Variants in JAZF1 observed in about 807,000 individuals in gnomAD.
JAZF1 encodes the protein JAZF zinc finger 1, also known as juxtaposed with another zinc finger protein 1.
Under a neutral mutation model 26.4 loss-of-function variants are expected in JAZF1, and 8 were observed. The observed-to-expected ratio is 0.30, with a 90% CI of 0.18 to 0.55. The LOEUF is 0.55. Ranked by LOEUF, JAZF1 falls within the 20% of genes least tolerant of loss-of-function variation. The pLI, the probability that JAZF1 is intolerant of heterozygous loss-of-function variation, is 0.94. For missense variants in JAZF1, 199 were observed against 322.0 expected (o/e 0.62, Z 2.92); for synonymous variants, 126 against 122.3 (o/e 1.03, Z -0.20).
chr7:28,155,745 C>G (rs1303290063), intron 1 of JAZF1, among the ~76,000 whole-genome samples: 9 of 152,192 alleles, frequency 5.9e-5, no homozygotes, highest in African/African-American at 2.2e-4. Flanking sequence ...ACAACCACAT[C>G]TAGGCTGTGA....
At chr7:28,082,562 T>C (rs1033687411) in intron 1 of JAZF1, among the ~76,000 whole-genome samples, 3 of 152,154 alleles carry the variant, frequency 2.0e-5, no homozygotes, top group Non-Finnish European at 2.9e-5. Context: ...CAGCTGCCTA[T>C]TGGACATGTA....
rs73302912 is a variant in JAZF1 at position 28,024,635 on chromosome 7, T to C, written c.116-32654A>G. ...GAATGGAAGAGGGACATGATGAATT[T>C]TGCATCTCTGGCAAAATACCAATGA... On this transcript the variant is annotated intron_variant, in intron 1 of 4. Coordinates refer to ENST00000283928, the MANE Select transcript of JAZF1 (RefSeq NM_175061.4). 7.4e-3 allele frequency among the ~76,000 whole-genome samples: 1,126 copies of C among 152,300 alleles called. 10 individuals carry two copies. Among genetic ancestry groups the C allele is most frequent in the African/African-American group, 0.026 (1,099 of 41,560 alleles).
chr7:27,865,922 C>T lies in JAZF1; in HGVS notation c.386-25055G>A, dbSNP rs137957727. ...CTCAAGGGCAGTCCACCCTTGCTTT[C>T]TGAGCAGGTGACTTTGTTCTAGGGA... On this transcript the variant is annotated intron_variant, in intron 3 of 4. Coordinates refer to ENST00000283928, the MANE Select transcript of JAZF1 (RefSeq NM_175061.4). Among the ~76,000 whole-genome samples the T allele has an allele frequency of 6.8e-3, 1,032 of 152,300 alleles. 14 individuals carry two copies. Among genetic ancestry groups the T allele is most frequent in the African/African-American group, 0.023 (972 of 41,568 alleles).
At position 27,896,305 on chromosome 7, in the gene JAZF1, T is replaced by TTTTCATA. The variant is rs552262716; in HGVS notation, c.189-890_189-889insTATGAAA. Among the ~76,000 whole-genome samples the TTTTCATA allele has an allele frequency of 4.2e-3, 646 of 152,314 alleles. 4 individuals carry two copies. The highest frequency in any genetic ancestry group is 0.015 in the African/African-American group (625 of 41,572). On this transcript the variant is annotated intron_variant, in intron 2 of 4. Coordinates refer to ENST00000283928, the MANE Select transcript of JAZF1 (RefSeq NM_175061.4). ...TCCTGTAATATGAGATTCAAAACAA[T>TTTTCATA]CTATGAAATGGTATCTCCTACCTAA...
chr7:27,856,566 G>A (rs1001324973), intron 3 of JAZF1, among the ~76,000 whole-genome samples: 1 of 152,200 alleles, frequency 6.6e-6, no homozygotes, highest in African/African-American at 2.4e-5. Flanking sequence ...GTTTTACAGA[G>A]AGCTGATTGG....
Position 28,129,346 on chromosome 7 carries a change from G to A in JAZF1, c.115+51117C>T, listed in dbSNP as rs1782752888. 2.0e-5 allele frequency among the ~76,000 whole-genome samples: 3 copies of A among 152,166 alleles called. No individual in the cohort carries two copies. The South Asian group carries it at 6.2e-4, about 32-fold the overall frequency. Reference sequence around the variant, plus strand: ...CACATGGACAAATCTACAAGCAGAAGGATGAATCTCAAATGTAACTGCACA... The same window carrying A: ...CACATGGACAAATCTACAAGCAGAAAGATGAATCTCAAATGTAACTGCACA... On this transcript the variant is annotated intron_variant, in intron 1 of 4. Coordinates refer to ENST00000283928, the MANE Select transcript of JAZF1 (RefSeq NM_175061.4).
chr7:27,982,458 C>T lies in JAZF1; in HGVS notation c.188+9451G>A, dbSNP rs552410807. 5.3e-5 allele frequency among the ~76,000 whole-genome samples: 8 copies of T among 152,310 alleles called. No individual in the cohort carries two copies. The South Asian group carries it at 1.2e-3, about 24-fold the overall frequency. On this transcript the variant is annotated intron_variant, in intron 2 of 4. Coordinates refer to ENST00000283928, the MANE Select transcript of JAZF1 (RefSeq NM_175061.4). The stretch of plus-strand genomic sequence containing the variant: ...AGGTAAACAAAATGGCTAGGAAGCT[C>T]GAACTCGGTGGAGGCCACCACAGCT...
chr7:27,971,340 T>C lies in JAZF1; in HGVS notation c.188+20569A>G, dbSNP rs558156581. On this transcript the variant is annotated intron_variant, in intron 2 of 4. Transcript: ENST00000283928. ...ACGCTGGCTGAGGATGGGGGCGCCT[T>C]ACAGGGGATATGCCGCTGACTTAGC... Among the ~76,000 whole-genome samples the C allele has an allele frequency of 2.0e-5, 3 of 152,172 alleles. No individual in the cohort carries two copies. In the East Asian group the frequency reaches 5.8e-4, roughly 29 times the overall value.
Position 27,831,949 on chromosome 7 carries a change from A to G in JAZF1, c.*851T>C, listed in dbSNP as rs556360261. On this transcript the variant is annotated 3_prime_UTR_variant, in exon 5 of 5. Coordinates refer to ENST00000283928, the MANE Select transcript of JAZF1 (RefSeq NM_175061.4). ...ACACACACACACTTTGCACTGAAGT[A>G]TTTCAAAGTCTTTTCTAACAGATTT... 4.5e-6 allele frequency: 1 copy of G among 220,096 alleles called. No individual in the cohort carries two copies. Among genetic ancestry groups the G allele is most frequent in the African/African-American group, 2.2e-5 (1 of 44,720 alleles). The allele number at this position is 220,096 out of a possible 1,614,324, so 13.6% of individuals were successfully genotyped here.
At chr7:27,956,616 T>C (rs1785097573) in intron 2 of JAZF1, among the ~76,000 whole-genome samples, 1 of 152,134 alleles carries the variant, frequency 6.6e-6, no homozygotes, top group Non-Finnish European at 1.5e-5. Context: ...TTCATAAAAG[T>C]GCCAGGGACT....
chr7:28,012,915 A>G (rs1202900111), intron 1 of JAZF1, among the ~76,000 whole-genome samples: 1 of 152,148 alleles, frequency 6.6e-6, no homozygotes, highest in Non-Finnish European at 1.5e-5. Flanking sequence ...AGTTTTGCAG[A>G]TACTTCTCCC....
At chr7:28,107,447 T>C (rs1262806963) in intron 1 of JAZF1, among the ~76,000 whole-genome samples, 1 of 152,188 alleles carries the variant, frequency 6.6e-6, no homozygotes, top group Non-Finnish European at 1.5e-5. Flanking sequence ...CTCACTGTGC[T>C]TCTCCCTCCA....
intron 3 of JAZF1, among the ~76,000 whole-genome samples, chr7:27,857,779 C>G (rs553738482): frequency 4.7e-4 from 72 of 152,278 alleles, no homozygotes; most frequent in African/African-American, 1.7e-3. Flanking sequence ...AACCCACAGC[C>G]AATATCATAC....
At chr7:27,861,055 G>A (rs1031891544) in intron 3 of JAZF1, among the ~76,000 whole-genome samples, 2 of 152,024 alleles carry the variant, frequency 1.3e-5, no homozygotes, top group Admixed American at 6.6e-5. Flanking sequence ...CTCTTTCTTC[G>A]TTCACCCCTT....
At chr7:27,850,814 T>C (rs1300771127) in intron 3 of JAZF1, among the ~76,000 whole-genome samples, 1 of 94,120 alleles carries the variant, frequency 1.1e-5, no homozygotes, top group Non-Finnish European at 2.3e-5. Context: ...TGAAGGACCA[T>C]TTTTTTTTTT....
At chr7:27,860,627 G>A (rs1302668337) in intron 3 of JAZF1, among the ~76,000 whole-genome samples, 1 of 152,188 alleles carries the variant, frequency 6.6e-6, no homozygotes, top group Non-Finnish European at 1.5e-5. Context: ...TGAGTACTAA[G>A]ATTATCTTCA....
chr7:27,962,598 T>A (rs2128357545), intron 2 of JAZF1, among the ~76,000 whole-genome samples: 1 of 152,320 alleles, frequency 6.6e-6, no homozygotes, highest in East Asian at 1.9e-4. Flanking sequence ...AATCCCATAT[T>A]GAATGCAGAA....
At chr7:28,167,701 T>C (rs984490774) in intron 1 of JAZF1, among the ~76,000 whole-genome samples, 8 of 152,246 alleles carry the variant, frequency 5.3e-5, no homozygotes, top group Non-Finnish European at 1.2e-4. Context: ...TCCTGCTTTT[T>C]TTCCCAGGGG....
chr7:28,074,417 C>A (rs6965411), intron 1 of JAZF1, among the ~76,000 whole-genome samples: 2 of 151,912 alleles, frequency 1.3e-5, no homozygotes, highest in African/African-American at 4.8e-5. Context: ...AGCAGAAATC[C>A]AAGCTAAAGA....
Sources: allele counts gnomAD v4.1 joint callset (sites outside exome capture counted in the v4.1 genomes callset), GRCh38; gene constraint gnomAD v4.1.1; transcripts MANE v1.5; gene names NCBI Gene and HGNC (gene_info 2026-07-23, HGNC 2026-07-21).